The following FNDC3A variants were observed in gnomAD, a reference collection of about 807,000 sequenced individuals.
FNDC3A encodes fibronectin type-III domain-containing protein 3A.
In FNDC3A, 32 loss-of-function variants were observed where a neutral mutation model predicts 148.9. The ratio of observed to expected loss-of-function variants is 0.21; its 90% CI spans 0.16 to 0.29. The LOEUF is 0.29. FNDC3A is among the 10% of genes least tolerant of loss of function. The pLI is 1.00. For missense variants in FNDC3A, 1,191 were observed against 1,452.8 expected (o/e 0.82, Z 2.93); for synonymous variants, 472 against 473.6 (o/e 1.00, Z 0.04).
At chr13:49,114,034 T>G (rs1006330783) in intron 3 of FNDC3A, among the ~76,000 whole-genome samples, 14 of 151,652 alleles carry the variant, frequency 9.2e-5, no homozygotes, top group Non-Finnish European at 2.1e-4. Flanking sequence ...AAAAAAAAAT[T>G]TTTTTTTCCT....
At chr13:49,007,303 T>C (rs1420651116) in intron 2 of FNDC3A, among the ~76,000 whole-genome samples, 1 of 152,158 alleles carries the variant, frequency 6.6e-6, no homozygotes, top group African/African-American at 2.4e-5. Flanking sequence ...TGTGTAAACA[T>C]GGCAGAAAGT....
At chr13:49,120,967 C>T (rs989045711) in intron 4 of FNDC3A, among the ~76,000 whole-genome samples, 1 of 152,134 alleles carries the variant, frequency 6.6e-6, no homozygotes, top group African/African-American at 2.4e-5. Flanking sequence ...ATGTTCAGGA[C>T]TTGAACTTAG....
At chr13:49,049,538 G>T (rs1875671504) in intron 2 of FNDC3A, among the ~76,000 whole-genome samples, 1 of 151,688 alleles carries the variant, frequency 6.6e-6, no homozygotes, top group Non-Finnish European at 1.5e-5. Context: ...TTTAATCTAG[G>T]AGGCTGTATA....
chr13:49,130,049 A>G (rs536336237), intron 4 of FNDC3A, among the ~76,000 whole-genome samples: 53 of 152,262 alleles, frequency 3.5e-4, no homozygotes, highest in African/African-American at 1.3e-3. Context: ...TAATTACCAT[A>G]TAAGTCTAAA....
chr13:49,200,437 A>G (rs1306414766), intron 23 of FNDC3A, among the ~76,000 whole-genome samples: 2 of 152,136 alleles, frequency 1.3e-5, no homozygotes, highest in African/African-American at 2.4e-5. Context: ...TTATCTCTAC[A>G]AAGAGATTAT....
chr13:48,998,831 A>G (rs1478423675), intron 1 of FNDC3A, among the ~76,000 whole-genome samples: 1 of 152,224 alleles, frequency 6.6e-6, no homozygotes, highest in Non-Finnish European at 1.5e-5. Context: ...CATGGACCTA[A>G]TAGCCATCTC....
intron 2 of FNDC3A, among the ~76,000 whole-genome samples, chr13:49,048,099 T>A (rs1875553340): frequency 6.6e-6 from 1 of 152,186 alleles, no homozygotes; most frequent in Non-Finnish European, 1.5e-5. Flanking sequence ...GAAGATTAGT[T>A]GGCTGTATTT....
At chr13:49,116,167 A>ATTT (rs1880944424) in intron 4 of FNDC3A, among the ~76,000 whole-genome samples, 2 of 152,266 alleles carry the variant, frequency 1.3e-5, no homozygotes, top group South Asian at 4.1e-4. Flanking sequence ...TTTTTGTGGC[A>ATTT]AACTCCTATC....
At chr13:49,150,647 T>A (rs1217240385) in intron 8 of FNDC3A, among the ~76,000 whole-genome samples, 1 of 152,084 alleles carries the variant, frequency 6.6e-6, no homozygotes, top group Non-Finnish European at 1.5e-5. Context: ...ATAATTTCAG[T>A]GTTTTAAAAT....
chr13:49,159,244 A>G (rs1593680788), intron 8 of FNDC3A, among the ~76,000 whole-genome samples: 1 of 152,120 alleles, frequency 6.6e-6, no homozygotes, highest in South Asian at 2.1e-4. Context: ...GATTCTTCCT[A>G]TCCATGAGCA....
intron 16 of FNDC3A, 169 bp downstream of exon 16, chr13:49,187,359 G>A (rs1245588005): frequency 1.3e-6 from 1 of 799,306 alleles, no homozygotes; most frequent in Admixed American, 2.6e-5. Context: ...TTTTTTTAAT[G>A]TCATAAGTTT....
chr13:49,156,233 G>C (rs1450397423), intron 8 of FNDC3A, among the ~76,000 whole-genome samples: 3 of 148,898 alleles, frequency 2.0e-5, no homozygotes, highest in Non-Finnish European at 4.5e-5. Context: ...ATTTAGGATA[G>C]TTAGCTCTTC....
chr13:49,117,832 C>A (rs1032000106), intron 4 of FNDC3A, among the ~76,000 whole-genome samples: 1 of 152,172 alleles, frequency 6.6e-6, no homozygotes, highest in Non-Finnish European at 1.5e-5. Context: ...GTCCTGGAAC[C>A]AATCCCCCAT....
intron 19 of FNDC3A, among the ~76,000 whole-genome samples, chr13:49,195,505 T>C (rs1886102914): frequency 6.6e-6 from 1 of 152,210 alleles, no homozygotes; most frequent in African/African-American, 2.4e-5. Flanking sequence ...TTTTAAAGTA[T>C]TATACTGTTA....
chr13:49,041,214 C>T (rs1874902156), intron 2 of FNDC3A, among the ~76,000 whole-genome samples: 4 of 152,280 alleles, frequency 2.6e-5, no homozygotes, highest in South Asian at 4.1e-4. Context: ...ACTACACATA[C>T]ATCTGTGTAT....
intron 3 of FNDC3A, among the ~76,000 whole-genome samples, chr13:49,091,403 C>T (rs190718939): frequency 7.2e-5 from 11 of 152,002 alleles, no homozygotes; most frequent in Admixed American, 2.6e-4. Context: ...AAACAACTCT[C>T]TTAAAGATGC....
chr13:49,001,637 G>A (rs760573931), intron 1 of FNDC3A, among the ~76,000 whole-genome samples: 9 of 152,164 alleles, frequency 5.9e-5, no homozygotes, highest in African/African-American at 1.2e-4. Context: ...CTTTGGGGGC[G>A]GCTGTCTTTT....
intron 4 of FNDC3A, among the ~76,000 whole-genome samples, chr13:49,118,814 C>T (rs1321845915): frequency 2.0e-5 from 3 of 152,270 alleles, no homozygotes; most frequent in Non-Finnish European, 4.4e-5. Context: ...GATTCCTCCT[C>T]TCTGGGCAGG....
chr13:49,158,245 C>T (rs945517914), intron 8 of FNDC3A, among the ~76,000 whole-genome samples: 2 of 152,264 alleles, frequency 1.3e-5, no homozygotes, highest in African/African-American at 2.4e-5. Flanking sequence ...TTAAGCCGGT[C>T]GGAGAAGCGC....
Sources: gnomAD v4.1 joint callset for allele counts (sites outside exome capture counted in the v4.1 genomes callset) on GRCh38, gnomAD v4.1.1 for gene constraint, MANE v1.5 for transcripts, NCBI Gene and HGNC (gene_info 2026-07-23, HGNC 2026-07-21) for gene names.